TMEM63A: variants seen among roughly 807,000 people sequenced by gnomAD.
TMEM63A encodes transmembrane protein 63A, also known as mechanosensitive cation channel TMEM63A.
In TMEM63A, 76 loss-of-function variants were observed where a neutral mutation model predicts 100.6. The ratio of observed to expected loss-of-function variants is 0.76; its 90% CI spans 0.63 to 0.91. The LOEUF is 0.91. TMEM63A is among the 40% of genes least tolerant of loss of function. The pLI is 0.00. For synonymous variants in TMEM63A, 401 were observed against 401.1 expected, an observed-to-expected ratio of 1.00 and a Z score of 0.00; for missense variants, 876 against 1,008.8, an observed-to-expected ratio of 0.87 and a Z score of 1.78.
chr1:225,870,709 TG>T (rs1377960513), intron 6 of TMEM63A, among the ~76,000 whole-genome samples: 2 of 152,252 alleles, frequency 1.3e-5, no homozygotes, highest in African/African-American at 4.8e-5. Flanking sequence ...TTAATTAGTT[TG>T]TGCAGTATTA....
At chr1:225,875,061 A>G (rs1670709636) in intron 3 of TMEM63A, among the ~76,000 whole-genome samples, 2 of 152,188 alleles carry the variant, frequency 1.3e-5, no homozygotes, top group Non-Finnish European at 2.9e-5. Flanking sequence ...TTACAGAACC[A>G]AGGTAGCAGA....
chr1:225,851,804 T>G (rs987911849), intron 20 of TMEM63A, among the ~76,000 whole-genome samples: 2 of 152,232 alleles, frequency 1.3e-5, no homozygotes, highest in African/African-American at 4.8e-5. Flanking sequence ...GCCAGCAGTC[T>G]CTTGGGTTTT....
chr1:225,854,082 G>C (rs974652637), intron 18 of TMEM63A, among the ~76,000 whole-genome samples: 2 of 152,190 alleles, frequency 1.3e-5, no homozygotes, highest in African/African-American at 4.8e-5. Flanking sequence ...GGAAAACAAA[G>C]CAGGGAGGGT....
intron 2 of TMEM63A, among the ~76,000 whole-genome samples, chr1:225,878,885 T>TACAC (rs55792328): frequency 0.061 from 8,529 of 139,466 alleles, 386 homozygotes; most frequent in African/African-American, 0.12. Context: ...CCTACCTACC[T>TACAC]ACACACACAC....
In TMEM63A at chr1:225,848,900, G is replaced by C; in HGVS notation, c.2184C>G (p.Tyr728Ter). The change falls in exon 22 of 25, where the codon TAC becomes TAG. Residue 728 changes from tyrosine to a stop codon, truncating the protein, a stop_gained. Coordinates refer to ENST00000366835, the MANE Select transcript of TMEM63A (RefSeq NM_014698.3). LOFTEE classifies it high-confidence loss of function. ...GCFKHLSPLN[Y>*]KTEEPASDKG... is the part of the protein sequence containing the mutation. ...CAGTGGGGTCGGGGGCCTTTACTTT[G>C]TAGTTCAGAGGGCTGAGGTGCTTGA... 1 of 1,585,024 alleles carries C rather than the reference G, an allele frequency of 6.3e-7. No individual in the cohort carries two copies. The highest frequency in any genetic ancestry group is 1.2e-5 in the South Asian group (1 of 86,572).
rs777896934 is a variant in TMEM63A at position 225,856,680 on chromosome 1, G to A, written c.1543C>T (p.Leu515=). The A allele has an allele frequency of 5.6e-6, 9 of 1,613,654 alleles. No individual in the cohort carries two copies. In the East Asian group the frequency reaches 2.0e-4, roughly 36 times the overall value. Residue 515 remains leucine, a synonymous_variant, in exon 17 of 25, where the codon CTG becomes TTG. Transcript: ENST00000366835. ...GTGAGACCCAGGGAGGGCAGGATCA[G>A]CACCATGAAGATCAAGAATATGTAG... The part of the protein sequence containing the change: ...KVYIFLIFMV[L]ILPSLGLTSL...
Position 225,868,693 on chromosome 1 carries a change from GA to G in TMEM63A, c.372-664del, listed in dbSNP as rs976199495. ...CACAGTGAGACTCCATCTCAAAAAA[GA>G]AAAAAAAAAAAAGAATAAAGTTGGG... On this transcript the variant is annotated intron_variant, in intron 6 of 24. Transcript: ENST00000366835. Among the ~76,000 whole-genome samples, 1,017 of 129,722 alleles carry G rather than the reference GA, an allele frequency of 7.8e-3. 8 individuals are homozygous for G. Among genetic ancestry groups the G allele is most frequent in the South Asian group, 0.023 (93 of 4,114 alleles). 85.1% of individuals were successfully genotyped at this position (129,722 alleles called of 152,430 possible).
In TMEM63A at chr1:225,871,031, A is replaced by C. The variant is rs1254928040; in HGVS notation, c.371+45T>G. ...TCTTGACTGGCCAAACACCCAAAAA[A>C]ACCAGCCCAAAGGCCCCCCAGCAGC... On this transcript the variant is annotated intron_variant, in intron 6 of 24. Coordinates refer to ENST00000366835, the MANE Select transcript of TMEM63A (RefSeq NM_014698.3). 2.5e-6 allele frequency: 4 copies of C among 1,609,526 alleles called. No homozygotes were observed. In the Admixed American group the frequency reaches 5.0e-5, roughly 20 times the overall value.
At chr1:225,844,765 A>G, downstream of TMEM63A, 2 of 1,376,306 alleles carry the variant, frequency 1.5e-6, no homozygotes, top group Non-Finnish European at 2.0e-6. Flanking sequence ...GGATGGGAAC[A>G]CTAAAGGTCG....
At chr1:225,842,319 C>T (rs1247370200), downstream of TMEM63A, 1 of 1,397,872 alleles carries the variant, frequency 7.2e-7, no homozygotes, top group Non-Finnish European at 1.0e-6. Flanking sequence ...CTCCAGCTCT[C>T]TGGTCCCCAG....
In TMEM63A at chr1:225,867,204, G is replaced by C. The variant is rs1670258667; in HGVS notation, c.515-41C>G. On this transcript the variant is annotated intron_variant, in intron 7 of 24. Coordinates refer to ENST00000366835, the MANE Select transcript of TMEM63A (RefSeq NM_014698.3). This position sits in a 1 kb window ranked among gnomAD's most constrained non-coding sequence, Gnocchi z 4.6. ...GATACTTAGTTCCAGGGTCATGTGG[G>C]GAAGCAGGAGGGGGCGTAACCAATC... 6.2e-7 allele frequency: 1 copy of C among 1,606,308 alleles called. No individual in the cohort carries two copies. Among genetic ancestry groups the C allele is most frequent in the African/African-American group, 1.3e-5 (1 of 74,718 alleles).
rs1444226138 is a variant in TMEM63A at position 225,846,319 on chromosome 1, A to C, written c.*620T>G. 1 of 152,550 alleles carries C rather than the reference A, an allele frequency of 6.6e-6. No homozygotes were observed. Among genetic ancestry groups the C allele is most frequent in the Non-Finnish European group, 1.5e-5 (1 of 68,312 alleles). 9.4% of individuals were successfully genotyped at this position (152,550 alleles called of 1,614,324 possible). On this transcript the variant is annotated 3_prime_UTR_variant, in exon 25 of 25. Transcript: ENST00000366835. ...ATCTTAACTGTGGTCCAATGGGCAT[A>C]TTATGAGTGGTCCTTGTCCCTGCCT...
Position 225,862,504 on chromosome 1 carries a change from G to A in TMEM63A, c.902C>T (p.Pro301Leu), listed in dbSNP as rs1247345207. The change falls in exon 12 of 25, where the codon CCC becomes CTC. Residue 301 changes from proline (P) to leucine (L), a missense_variant. Physicochemically the swap from Pro to Leu is moderately conservative, Grantham distance 98. Around this residue, in one of 5 missense-constraint regions of TMEM63A, gnomAD observed 487 missense variants for 581.9 expected, o/e 0.84. Transcript: ENST00000366835. This position sits in a 1 kb window ranked among gnomAD's most constrained non-coding sequence, Gnocchi z 5.1. ...VKTGQRTLIN[P>L]KPCGQFCCCE... is the part of the protein sequence containing the mutation. ...GCAGCAAAACTGGCCACAGGGCTTG[G>A]GGTTGATGAGGGTCCGCTGGCCTGT... The A allele has an allele frequency of 6.2e-7, 1 of 1,614,150 alleles. No individual in the cohort carries two copies. Among genetic ancestry groups the A allele is most frequent in the East Asian group, 2.2e-5 (1 of 44,866 alleles).
intron 3 of TMEM63A, among the ~76,000 whole-genome samples, chr1:225,877,183 T>G (rs1670847214): frequency 6.6e-6 from 1 of 152,212 alleles, no homozygotes; most frequent in Admixed American, 6.5e-5. Flanking sequence ...CAAAATTCTC[T>G]GAGATAGGAA....
In TMEM63A at chr1:225,848,523, T is replaced by A. The variant is rs115883015; in HGVS notation, c.2219A>T (p.Glu740Val). 2.4e-5 allele frequency: 38 copies of A among 1,614,174 alleles called. No individual in the cohort carries two copies. In the East Asian group the frequency reaches 8.0e-4, roughly 34 times the overall value. ...TEEPASDKGS[E>V]AEAHMPPPFT... is the part of the protein sequence containing the mutation. ...CGGTGGGGGCATGTGGGCCTCTGCC[T>A]CACTTCCTTTGTCACTTGCAGGCTC... The change falls in exon 23 of 25, where the codon GAG becomes GTG. Residue 740 changes from glutamate to valine, a missense_variant. Glu to Val is a moderately radical substitution (Grantham distance 121). Coordinates refer to ENST00000366835, the MANE Select transcript of TMEM63A (RefSeq NM_014698.3).
At chr1:225,869,971 T>C (rs1670420428) in intron 6 of TMEM63A, among the ~76,000 whole-genome samples, 1 of 151,580 alleles carries the variant, frequency 6.6e-6, no homozygotes, top group Non-Finnish European at 1.5e-5. Flanking sequence ...ATATTTCAAC[T>C]CCTCTGAAAT....
chr1:225,866,211 G>C, intron 9 of TMEM63A: 1 of 548,902 alleles, frequency 1.8e-6, no homozygotes, highest in Non-Finnish European at 3.3e-6. Context: ...GCAGGAGACT[G>C]AGAAAGAGGG....
At chr1:225,848,385 C>T (rs1283753654) in intron 23 of TMEM63A, 107 bp downstream of exon 23, 3 of 1,217,224 alleles carry the variant, frequency 2.5e-6, no homozygotes, top group African/African-American at 3.0e-5. Flanking sequence ...GCCATGTGAT[C>T]TTAGCAAGAG....
At position 225,846,865 on chromosome 1, in the gene TMEM63A, G is replaced by A. The variant is rs1262894513; in HGVS notation, c.*74C>T. On this transcript the variant is annotated 3_prime_UTR_variant, in exon 25 of 25. Coordinates refer to ENST00000366835, the MANE Select transcript of TMEM63A (RefSeq NM_014698.3). ...GATAGCTCAGCTGGGCAGTCCCAAC[G>A]CATTCCCACTCAGCCAAGGGCCTGA... 9 of 752,716 alleles carry A rather than the reference G, an allele frequency of 1.2e-5. No individual in the cohort carries two copies. Among genetic ancestry groups the A allele is most frequent in the East Asian group, 2.9e-5 (1 of 34,874 alleles). The allele number at this position is 752,716 out of a possible 1,614,324, so 46.6% of individuals were successfully genotyped here. A position where few individuals can be genotyped will look rare whatever the true frequency, so the allele number is the denominator to read the frequency against.
Sources: gnomAD v4.1 joint callset for allele counts (sites outside exome capture counted in the v4.1 genomes callset) on GRCh38, gnomAD v4.1.1 for gene constraint, gnomAD v4.1.1 regional missense constraint, Gnocchi (gnomAD v3.1) non-coding constraint, MANE v1.5 for transcripts, NCBI Gene and HGNC (gene_info 2026-07-23, HGNC 2026-07-21) for gene names.